Variants in INTU observed in about 807,000 individuals in gnomAD.
The protein encoded by INTU is inturned planar cell polarity protein, also known as protein inturned.
Under a neutral mutation model 100.5 loss-of-function variants are expected in INTU, and 68 were observed. The ratio of observed to expected loss-of-function variants is 0.68; its 90% CI spans 0.56 to 0.83. The LOEUF is 0.83. Ranked by LOEUF, INTU falls within the 40% of genes least tolerant of loss-of-function variation. The pLI is 0.00. For synonymous variants in INTU, 357 were observed against 395.7 expected (o/e 0.90, Z 1.16); for missense variants, 1,071 against 1,114.7 (o/e 0.96, Z 0.56).
chr4:127,680,706 G>C (rs1017202831), intron 6 of INTU, among the ~76,000 whole-genome samples: 23 of 146,416 alleles, frequency 1.6e-4, no homozygotes, highest in African/African-American at 4.8e-4. Context: ...CAGGGATGCC[G>C]TCTCTCACCG....
chr4:127,637,486 C>T (rs776543364), intron 1 of INTU, among the ~76,000 whole-genome samples: 2 of 152,148 alleles, frequency 1.3e-5, no homozygotes, highest in African/African-American at 4.8e-5. Context: ...CCTTTATGTA[C>T]TTTGTTGTCT....
intron 11 of INTU, 43 bp downstream of exon 11, chr4:127,705,855 CT>C: frequency 6.5e-7 from 1 of 1,529,004 alleles, no homozygotes; most frequent in Non-Finnish European, 9.0e-7. Flanking sequence ...TTCTTCTTTT[CT>C]TTTATTTTTT....
At position 127,643,553 on chromosome 4, in the gene INTU, A is replaced by C; in HGVS notation, c.179A>C (p.Gln60Pro). Residue 60 changes from glutamine (Q) to proline (P), a missense_variant, in exon 2 of 16, where the codon CAG (glutamine) becomes CCG (proline). Gln to Pro is a moderately conservative substitution (Grantham distance 76). Transcript: ENST00000335251. ...DLEPEWLDSV[Q>P]KNGELFYLEL... The stretch of plus-strand genomic sequence containing the variant: ...GAGCCTGAATGGCTGGACAGTGTGC[A>C]GAAAAATGGAGAGCTGTTTTATTTG... The C allele has an allele frequency of 1.9e-6, 3 of 1,605,818 alleles. No individual in the cohort carries two copies. The South Asian group carries it at 3.3e-5, about 18-fold the overall frequency.
chr4:127,712,348 T>C (rs909808075), intron 14 of INTU, among the ~76,000 whole-genome samples: 2 of 152,196 alleles, frequency 1.3e-5, no homozygotes, highest in Admixed American at 6.5e-5. Context: ...ATGCTTTGGG[T>C]TCTTATGCTC....
chr4:127,634,476 C>A (rs1167616484), intron 1 of INTU, among the ~76,000 whole-genome samples: 1 of 152,132 alleles, frequency 6.6e-6, no homozygotes, highest in African/African-American at 2.4e-5. Flanking sequence ...CCTAATGGGC[C>A]ACCATGACTT....
rs897959176 is a variant in INTU, at chr4:127,720,153, A to G, written c.*3717A>G. ...TTTCCCTCTTAACACTGCTTTAGCTATGCCCCAGAGATTCTGGTACATTGT... is the reference window on the plus strand; with the variant it reads ...TTTCCCTCTTAACACTGCTTTAGCTGTGCCCCAGAGATTCTGGTACATTGT... On this transcript the variant is annotated 3_prime_UTR_variant, in exon 16 of 16. Coordinates refer to ENST00000335251, the MANE Select transcript of INTU (RefSeq NM_015693.4). 1.3e-5 allele frequency: 2 copies of G among 152,006 alleles called. No individual in the cohort carries two copies. The highest frequency in any genetic ancestry group is 4.8e-5 in the African/African-American group (2 of 41,406). The allele number at this position is 152,006 out of a possible 1,614,324, so 9.4% of individuals were successfully genotyped here.
At chr4:127,689,462 C>T (rs1470665492) in intron 8 of INTU, among the ~76,000 whole-genome samples, 1 of 151,810 alleles carries the variant, frequency 6.6e-6, no homozygotes. Flanking sequence ...CCAGCCTGGA[C>T]AACATATGGA....
Position 127,705,690 on chromosome 4 carries a change from A to G in INTU, c.1666A>G (p.Ile556Val), listed in dbSNP as rs1191175950. 6.2e-7 allele frequency: 1 copy of G among 1,614,044 alleles called. No individual in the cohort carries two copies. Among genetic ancestry groups the G allele is most frequent in the African/African-American group, 1.3e-5 (1 of 75,034 alleles). ...CLLPLAAKQR[I>V]GQLIIWREVF... The stretch of plus-strand genomic sequence containing the variant: ...GCTGCCTTTAGCAGCAAAACAAAGA[A>G]TTGGTCAGTTGATCATATGGAGAGA... Residue 556 changes from isoleucine to valine, a missense_variant, in exon 11 of 16, where the codon ATT becomes GTT. Coordinates refer to ENST00000335251, the MANE Select transcript of INTU (RefSeq NM_015693.4).
At chr4:127,645,721 T>G (rs991062375) in intron 2 of INTU, among the ~76,000 whole-genome samples, 1 of 151,828 alleles carries the variant, frequency 6.6e-6, no homozygotes, top group African/African-American at 2.4e-5. Context: ...CCACCATGCC[T>G]GACTAATTTT....
chr4:127,683,320 A>T (rs1019482653), intron 6 of INTU, among the ~76,000 whole-genome samples: 5 of 152,180 alleles, frequency 3.3e-5, no homozygotes, highest in Admixed American at 3.3e-4. Context: ...TTAAATGCTC[A>T]CACCAACCCT....
At chr4:127,657,070 T>C (rs1038617067) in intron 3 of INTU, among the ~76,000 whole-genome samples, 28 of 152,188 alleles carry the variant, frequency 1.8e-4, no homozygotes, top group Non-Finnish European at 3.7e-4. Flanking sequence ...TTTTCTGTTC[T>C]CTGACTTACT....
At chr4:127,658,641 T>G (rs992910349) in intron 3 of INTU, among the ~76,000 whole-genome samples, 2 of 152,210 alleles carry the variant, frequency 1.3e-5, no homozygotes, top group Non-Finnish European at 2.9e-5. Flanking sequence ...TCATGTCTAT[T>G]CTTTCTTCAA....
At chr4:127,650,771 T>C (rs1727822191) in intron 2 of INTU, among the ~76,000 whole-genome samples, 1 of 151,628 alleles carries the variant, frequency 6.6e-6, no homozygotes, top group Admixed American at 6.6e-5. Context: ...GTATTTCTAG[T>C]TCTAGATCCC....
At chr4:127,685,429 A>G (rs1420116507) in intron 7 of INTU, 1 of 455,376 alleles carries the variant, frequency 2.2e-6, no homozygotes, top group East Asian at 7.0e-5. Flanking sequence ...CTTTGTTCTC[A>G]TTGTTCTTAC....
At position 127,716,375 on chromosome 4, in the gene INTU, A is replaced by T; in HGVS notation, c.2768A>T (p.Asp923Val). 1 of 1,589,920 alleles carries T rather than the reference A, an allele frequency of 6.3e-7. No homozygotes were observed. The highest frequency in any genetic ancestry group is 1.2e-5 in the South Asian group (1 of 86,742). ...CAAGAACTTTATGTCTGTTTTCATG[A>T]CTCAGTCACAGAAATTGCCATTGAA... ...KPQELYVCFH[D>V]SVTEIAIEIA... The change falls in exon 16 of 16, where the codon GAC becomes GTC. Residue 923 changes from aspartate to valine, a missense_variant. Physicochemically the swap from Asp to Val is radical, Grantham distance 152. Coordinates refer to ENST00000335251, the MANE Select transcript of INTU (RefSeq NM_015693.4).
intron 2 of INTU, among the ~76,000 whole-genome samples, chr4:127,655,604 G>A (rs1158382157): frequency 6.6e-6 from 1 of 151,362 alleles, no homozygotes; most frequent in Non-Finnish European, 1.5e-5. Flanking sequence ...CTGCGTGCTG[G>A]GAGAACCACT....
intron 13 of INTU, among the ~76,000 whole-genome samples, chr4:127,710,446 C>T (rs1162861860): frequency 1.3e-5 from 2 of 152,070 alleles, no homozygotes; most frequent in Admixed American, 1.3e-4. Flanking sequence ...GTTTGACTAT[C>T]ATGGTAAAAT....
chr4:127,652,144 A>G (rs902314497), intron 2 of INTU, among the ~76,000 whole-genome samples: 8 of 129,562 alleles, frequency 6.2e-5, no homozygotes, highest in Non-Finnish European at 9.7e-5. Flanking sequence ...TTTTCTAGAT[A>G]TACAATCATG....
chr4:127,673,178 T>C (rs1014521104), intron 5 of INTU, among the ~76,000 whole-genome samples: 8 of 151,824 alleles, frequency 5.3e-5, no homozygotes, highest in African/African-American at 1.9e-4. Flanking sequence ...AGATGAAGCT[T>C]TTTTTTGTTT....
Sources: gnomAD v4.1 joint callset for allele counts (sites outside exome capture counted in the v4.1 genomes callset) on GRCh38, gnomAD v4.1.1 for gene constraint, MANE v1.5 for transcripts, NCBI Gene and HGNC (gene_info 2026-07-23, HGNC 2026-07-21) for gene names.